Variants in CNTN6 observed in about 807,000 individuals in gnomAD.
CNTN6 encodes contactin 6.
CNTN6 carries 137 observed loss-of-function variants against 122.8 expected under a neutral mutation model. That is an observed-to-expected ratio of 1.12 (90% CI 0.97 to 1.29). The LOEUF (loss-of-function observed/expected upper bound fraction) is 1.29, where lower values mean the gene tolerates loss of function less well. Ranked by LOEUF, CNTN6 falls within the 50% of genes most tolerant of loss-of-function variation. CNTN6 has a pLI of 0.00. For missense variants in CNTN6, 1,634 were observed against 1,223.4 expected, an observed-to-expected ratio of 1.34 and a Z score of -5.01; for synonymous variants, 570 against 426.0, an observed-to-expected ratio of 1.34 and a Z score of -4.16.
At chr3:1,192,993 C>T (rs1285717465) in intron 2 of CNTN6, among the ~76,000 whole-genome samples, 2 of 152,058 alleles carry the variant, frequency 1.3e-5, no homozygotes, top group Non-Finnish European at 2.9e-5. Flanking sequence ...ACTAAAGAAA[C>T]GTAGCCCACT....
intron 12 of CNTN6, among the ~76,000 whole-genome samples, chr3:1,367,406 G>T (rs1470681387): frequency 6.6e-6 from 1 of 151,982 alleles, no homozygotes. Flanking sequence ...TCCAGAGCTG[G>T]TTTCATGGAC....
chr3:1,347,687 T>A (rs1196215095), intron 11 of CNTN6, among the ~76,000 whole-genome samples: 2 of 152,122 alleles, frequency 1.3e-5, no homozygotes, highest in Non-Finnish European at 2.9e-5. Flanking sequence ...CAAATATTAG[T>A]ATCAGCTAAG....
At chr3:1,258,069 C>A (rs902179681) in intron 4 of CNTN6, among the ~76,000 whole-genome samples, 1 of 152,090 alleles carries the variant, frequency 6.6e-6, no homozygotes, top group Non-Finnish European at 1.5e-5. Context: ...AAATCAGTCC[C>A]CTCCAAGTTG....
intron 1 of CNTN6, among the ~76,000 whole-genome samples, chr3:1,119,738 C>T (rs1399048235): frequency 6.6e-6 from 1 of 151,946 alleles, no homozygotes; most frequent in African/African-American, 2.4e-5. Flanking sequence ...TAAGATATAA[C>T]TCACATATAA....
intron 11 of CNTN6, among the ~76,000 whole-genome samples, chr3:1,335,613 G>A (rs183241634): frequency 3.3e-5 from 5 of 152,238 alleles, no homozygotes; most frequent in African/African-American, 9.6e-5. Context: ...CTGACAGGCA[G>A]CATTAAATAC....
chr3:1,358,388 A>G (rs1706928063), intron 12 of CNTN6, among the ~76,000 whole-genome samples: 1 of 151,802 alleles, frequency 6.6e-6, no homozygotes, highest in Non-Finnish European at 1.5e-5. Context: ...TAAAAGAAGC[A>G]ATTAGGCTAC....
At chr3:1,301,677 A>G (rs937360525) in intron 7 of CNTN6, among the ~76,000 whole-genome samples, 18 of 152,190 alleles carry the variant, frequency 1.2e-4, no homozygotes, top group African/African-American at 4.3e-4. Context: ...ATTAATATAG[A>G]ATTGAAATAC....
At chr3:1,376,303 G>A (rs78027940) in intron 16 of CNTN6, among the ~76,000 whole-genome samples, 4,368 of 152,138 alleles carry the variant, frequency 0.029, 68 homozygotes, top group Non-Finnish European at 0.033. Flanking sequence ...GTCCTTACAA[G>A]GATACAGAGT....
intron 1 of CNTN6, among the ~76,000 whole-genome samples, chr3:1,107,286 T>A (rs1574866567): frequency 1.3e-5 from 2 of 152,240 alleles, no homozygotes; most frequent in South Asian, 4.1e-4. Context: ...ATAAAATATG[T>A]CATATGGTTT....
intron 1 of CNTN6, among the ~76,000 whole-genome samples, chr3:1,143,122 T>C (rs1228001319): frequency 1.3e-5 from 2 of 151,802 alleles, no homozygotes; most frequent in Non-Finnish European, 2.9e-5. Context: ...CATTGCTTGG[T>C]GTGTATTGCC....
At chr3:1,383,806 A>G (rs1285268749) in intron 19 of CNTN6, among the ~76,000 whole-genome samples, 5 of 152,202 alleles carry the variant, frequency 3.3e-5, no homozygotes, top group Non-Finnish European at 7.3e-5. Context: ...TTCTAATTAC[A>G]TGCAAATTAA....
chr3:1,212,028 T>C (rs1357196998), intron 2 of CNTN6, among the ~76,000 whole-genome samples: 1 of 152,108 alleles, frequency 6.6e-6, no homozygotes, highest in Non-Finnish European at 1.5e-5. Context: ...ATTTAGGGAA[T>C]AATAATGAAC....
intron 1 of CNTN6, among the ~76,000 whole-genome samples, chr3:1,116,821 C>T (rs907501585): frequency 6.6e-6 from 1 of 150,666 alleles, no homozygotes; most frequent in Admixed American, 6.7e-5. Context: ...TCTCATAACT[C>T]AGTCTCCCGA....
At chr3:1,223,529 G>A (rs1233405719) in intron 3 of CNTN6, among the ~76,000 whole-genome samples, 1 of 152,158 alleles carries the variant, frequency 6.6e-6, no homozygotes, top group Non-Finnish European at 1.5e-5. Flanking sequence ...CCCTGCAAAG[G>A]GAAGAGAAAT....
At chr3:1,299,520 G>A (rs917153762) in intron 7 of CNTN6, among the ~76,000 whole-genome samples, 4 of 152,084 alleles carry the variant, frequency 2.6e-5, no homozygotes, top group Admixed American at 2.6e-4. Context: ...CATTTGCTAA[G>A]CACCTATAAC....
chr3:1,396,067 T>C (rs973771071), intron 20 of CNTN6, among the ~76,000 whole-genome samples: 1 of 152,178 alleles, frequency 6.6e-6, no homozygotes, highest in Non-Finnish European at 1.5e-5. Context: ...TAAAATGCCG[T>C]CATACTTCTC....
chr3:1,385,885 C>T, intron 20 of CNTN6, 88 bp downstream of exon 20: 1 of 1,225,326 alleles, frequency 8.2e-7, no homozygotes, highest in East Asian at 2.6e-5. Context: ...TCCCACACCT[C>T]ATTTCTTTAC....
At chr3:1,113,875 AGAG>A (rs1553598157) in intron 1 of CNTN6, among the ~76,000 whole-genome samples, 6 of 152,106 alleles carry the variant, frequency 3.9e-5, no homozygotes, top group Non-Finnish European at 8.8e-5. Context: ...CTCAAATGGT[AGAG>A]GAGAATCATC....
intron 2 of CNTN6, among the ~76,000 whole-genome samples, chr3:1,183,298 A>G (rs1021203663): frequency 4.6e-5 from 7 of 152,148 alleles, no homozygotes; most frequent in Non-Finnish European, 7.4e-5. Flanking sequence ...TGAAAACACA[A>G]TGGCACTCAA....
Sources: allele counts gnomAD v4.1 joint callset (sites outside exome capture counted in the v4.1 genomes callset), GRCh38; gene constraint gnomAD v4.1.1; transcripts MANE v1.5; gene names NCBI Gene and HGNC (gene_info 2026-07-23, HGNC 2026-07-21).